Variants in ADAMTS19 observed in about 807,000 individuals in gnomAD.
The protein encoded by ADAMTS19 is ADAM metallopeptidase with thrombospondin type 1 motif 19, also known as A disintegrin and metalloproteinase with thrombospondin motifs 19.
Under a neutral mutation model 153.3 loss-of-function variants are expected in ADAMTS19, and 93 were observed. The ratio of observed to expected loss-of-function variants is 0.61; its 90% confidence interval spans 0.51 to 0.72. The LOEUF is 0.72. Among genes scored for constraint, ADAMTS19 ranks in the 30% least tolerant of loss-of-function variants. The pLI is 0.00. For missense variants in ADAMTS19, 1,482 were observed against 1,552.1 expected, an observed-to-expected ratio of 0.95 and a Z score of 0.76; for synonymous variants, 600 against 556.6, an observed-to-expected ratio of 1.08 and a Z score of -1.10.
chr5:129,500,069 C>A (rs1298837204), intron 2 of ADAMTS19, among the ~76,000 whole-genome samples: 2 of 152,080 alleles, frequency 1.3e-5, no homozygotes, highest in Admixed American at 1.3e-4. Context: ...AATTTAGTCA[C>A]AAAATTCTGG....
At chr5:129,701,007 T>C (rs2127159867) in intron 19 of ADAMTS19, among the ~76,000 whole-genome samples, 1 of 152,026 alleles carries the variant, frequency 6.6e-6, no homozygotes, top group African/African-American at 2.4e-5. Flanking sequence ...CCAAATCTCA[T>C]CTTGAATTGT....
intron 21 of ADAMTS19, among the ~76,000 whole-genome samples, chr5:129,730,903 C>T (rs1757412354): frequency 6.6e-6 from 1 of 151,558 alleles, no homozygotes; most frequent in South Asian, 2.1e-4. Context: ...CATGGAGAAG[C>T]TGGATTTGAG....
At chr5:129,549,033 G>A (rs1752967893) in intron 6 of ADAMTS19, among the ~76,000 whole-genome samples, 1 of 97,880 alleles carries the variant, frequency 1.0e-5, no homozygotes, top group South Asian at 4.4e-4. Flanking sequence ...TTGTGGGGTG[G>A]GGGGAGGGGG....
At chr5:129,636,951 T>G (rs1752558733) in intron 10 of ADAMTS19, among the ~76,000 whole-genome samples, 1 of 152,202 alleles carries the variant, frequency 6.6e-6, no homozygotes, top group Non-Finnish European at 1.5e-5. Flanking sequence ...CAGTGTTTGT[T>G]TCATTGAAAG....
At position 129,663,081 on chromosome 5, in the gene ADAMTS19, A is replaced by G. The variant is rs139594229; in HGVS notation, c.2426-2418A>G. Among the ~76,000 whole-genome samples the G allele has an allele frequency of 8.0e-3, 1,211 of 151,854 alleles. 11 individuals are homozygous for G. Among genetic ancestry groups the G allele is most frequent in the African/African-American group, 0.027 (1,128 of 41,378 alleles). On this transcript the variant is annotated intron_variant, in intron 15 of 22. Transcript: ENST00000274487. ...AGCTAATTTTTTGTATTTTTAGTAG[A>G]GACGGGGTTTCACTGTGTTAGCCAG...
At chr5:129,706,398 C>G (rs1158659019) in intron 21 of ADAMTS19, among the ~76,000 whole-genome samples, 1 of 151,966 alleles carries the variant, frequency 6.6e-6, no homozygotes, top group African/African-American at 2.4e-5. Flanking sequence ...GGAGAAACCC[C>G]GTCTCTACTG....
chr5:129,666,024 C>T (rs17163151), intron 16 of ADAMTS19, among the ~76,000 whole-genome samples: 4,809 of 150,284 alleles, frequency 0.032, 240 homozygotes, highest in African/African-American at 0.11. Flanking sequence ...AATCTTGTGG[C>T]GTTTTTGAAG....
At position 129,528,514 on chromosome 5, in the gene ADAMTS19, T is replaced by C. The variant is rs746177270; in HGVS notation, c.1171-6T>C. 2 of 1,567,740 alleles carry C rather than the reference T, an allele frequency of 1.3e-6. No homozygotes were observed. The highest frequency in any genetic ancestry group is 1.7e-6 in the Non-Finnish European group (2 of 1,161,658). ...ATGCCTTGTGATGAGCTCTGTTCTT[T>C]TGCAGCCAGAACTATATATTGGGCA... On this transcript the variant is annotated splice_polypyrimidine_tract_variant and splice_region_variant and intron_variant, in intron 5 of 22. Coordinates refer to ENST00000274487, the MANE Select transcript of ADAMTS19 (RefSeq NM_133638.6).
intron 13 of ADAMTS19, among the ~76,000 whole-genome samples, 156 bp downstream of exon 13, chr5:129,649,126 G>A (rs1346311676): frequency 2.6e-5 from 4 of 152,086 alleles, no homozygotes; most frequent in African/African-American, 9.7e-5. Context: ...CACAAGCACT[G>A]ACAAAAATAT....
intron 2 of ADAMTS19, among the ~76,000 whole-genome samples, chr5:129,471,885 T>C (rs766788828): frequency 3.3e-5 from 5 of 152,226 alleles, no homozygotes; most frequent in African/African-American, 4.8e-5. Context: ...GGACATGATA[T>C]CATTCTTTTA....
intron 2 of ADAMTS19, among the ~76,000 whole-genome samples, chr5:129,504,606 G>C (rs73242254): frequency 0.05 from 7,609 of 152,000 alleles, 258 homozygotes; most frequent in African/African-American, 0.092. Context: ...ATCTCTTGAA[G>C]TTATTCCTCT....
rs1752666157 is a variant in ADAMTS19, at chr5:129,541,916, T to C, written c.1329-9948T>C. 2.6e-5 allele frequency among the ~76,000 whole-genome samples: 4 copies of C among 152,278 alleles called. No individual in the cohort carries two copies. In the South Asian group the frequency reaches 8.3e-4, roughly 32 times the overall value. On this transcript the variant is annotated intron_variant, in intron 6 of 22. Coordinates refer to ENST00000274487, the MANE Select transcript of ADAMTS19 (RefSeq NM_133638.6). ...TAAATATTTGATTTCTATAGTTTCC[T>C]ATGTAGATAAATGATATTTTGTCAT...
At chr5:129,497,136 G>A (rs139398820) in intron 2 of ADAMTS19, among the ~76,000 whole-genome samples, 2 of 152,066 alleles carry the variant, frequency 1.3e-5, no homozygotes, top group East Asian at 3.9e-4. Context: ...AGCTTCCTCC[G>A]AGTGAACTAA....
At chr5:129,532,009 A>C (rs1752225185) in intron 6 of ADAMTS19, among the ~76,000 whole-genome samples, 1 of 152,170 alleles carries the variant, frequency 6.6e-6, no homozygotes, top group African/African-American at 2.4e-5. Flanking sequence ...CATGTGTAAA[A>C]TTAATTCAAA....
chr5:129,526,196 A>G, intron 3 of ADAMTS19, 88 bp from the exon 4 acceptor site: 1 of 1,149,138 alleles, frequency 8.7e-7, no homozygotes, highest in Non-Finnish European at 1.2e-6. Context: ...TCGGGAACTT[A>G]TTTGGGTTTG....
chr5:129,474,679 AAAGGCTCC>A (rs145648157), intron 2 of ADAMTS19, among the ~76,000 whole-genome samples: 7,196 of 152,122 alleles, frequency 0.047, 223 homozygotes, highest in African/African-American at 0.083. Context: ...CTATCAACTC[AAAGGCTCC>A]TTTATAACCA....
At chr5:129,468,024 T>C (rs1749932086) in intron 2 of ADAMTS19, among the ~76,000 whole-genome samples, 1 of 152,240 alleles carries the variant, frequency 6.6e-6, no homozygotes, top group Admixed American at 6.5e-5. Context: ...CGTCCTCTTA[T>C]ATCTGATTGC....
chr5:129,705,234 C>G (rs1388404195), intron 21 of ADAMTS19, among the ~76,000 whole-genome samples: 1 of 152,128 alleles, frequency 6.6e-6, no homozygotes, highest in Non-Finnish European at 1.5e-5. Context: ...TAAATCCTCT[C>G]TCCTTCCCCT....
At chr5:129,574,249 A>C (rs1255596683) in intron 7 of ADAMTS19, among the ~76,000 whole-genome samples, 3 of 152,036 alleles carry the variant, frequency 2.0e-5, no homozygotes, top group Admixed American at 1.3e-4. Context: ...CGGTGGGAAA[A>C]CTGAATGTCA....
Sources: gnomAD v4.1 joint callset for allele counts (sites outside exome capture counted in the v4.1 genomes callset) on GRCh38, gnomAD v4.1.1 for gene constraint, MANE v1.5 for transcripts, NCBI Gene and HGNC (gene_info 2026-07-23, HGNC 2026-07-21) for gene names.